Variants in SERINC1 observed in about 807,000 individuals in gnomAD.
SERINC1 encodes tumor differentially expressed protein 2.
In SERINC1, 38 loss-of-function variants were observed where a neutral mutation model predicts 52.9. The ratio of observed to expected loss-of-function variants is 0.72; its 90% confidence interval spans 0.55 to 0.94. SERINC1 has a LOEUF of 0.94. Among genes scored for constraint, SERINC1 ranks in the 40% least tolerant of loss-of-function variants. The probability of loss-of-function intolerance (pLI) is 0.00; values close to 1 mark genes in which losing one functional copy is unlikely to be tolerated. For missense variants in SERINC1, 471 were observed against 533.9 expected (o/e 0.88, Z 1.16); for synonymous variants, 198 against 183.1 (o/e 1.08, Z -0.66).
At chr6:122,445,895 A>AAAAAAAAAAAAAAAG (rs1321761456) in intron 9 of SERINC1, among the ~76,000 whole-genome samples, 2 of 149,260 alleles carry the variant, frequency 1.3e-5, no homozygotes, top group African/African-American at 4.9e-5. Flanking sequence ...AAAAAAAAAA[A>AAAAAAAAAAAAAAAG]AAAAAGAACC....
Position 122,468,603 on chromosome 6 carries a change from C to G in SERINC1, c.39+3096G>C, listed in dbSNP as rs142074336. Among the ~76,000 whole-genome samples, 733 of 152,196 alleles carry G rather than the reference C, an allele frequency of 4.8e-3. 5 individuals are homozygous for G. Among genetic ancestry groups the G allele is most frequent in the African/African-American group, 0.017 (691 of 41,526 alleles). ...TTTGCTTAAAAATATGTTTAAGATGCTGCCATTCCTAAGAATATATTTTTG... is the reference window on the plus strand; with the variant it reads ...TTTGCTTAAAAATATGTTTAAGATGGTGCCATTCCTAAGAATATATTTTTG... On this transcript the variant is annotated intron_variant, in intron 1 of 9. Coordinates refer to ENST00000339697, the MANE Select transcript of SERINC1 (RefSeq NM_020755.4).
rs761768622 is a variant in SERINC1, at chr6:122,458,598, G to T, written c.123C>A (p.Ile41=). 3 of 1,612,778 alleles carry T rather than the reference G, an allele frequency of 1.9e-6. No homozygotes were observed. The change falls in exon 2 of 10, where the codon ATC becomes ATA. Residue 41 remains isoleucine (I), a synonymous_variant. Coordinates refer to ENST00000339697, the MANE Select transcript of SERINC1 (RefSeq NM_020755.4). ...CTCCAACAAGCAAGAAAAGTGCATAGATCAATCTAGTTACAGTGGAGTTGT... is the reference window on the plus strand; with the variant it reads ...CTCCAACAAGCAAGAAAAGTGCATATATCAATCTAGTTACAGTGGAGTTGT... The part of the protein sequence containing the change: ...SGNNSTVTRL[I]YALFLLVGVC...
In SERINC1 at chr6:122,466,220, C is replaced by T. The variant is rs183888652; in HGVS notation, c.39+5479G>A. 1.2e-4 allele frequency among the ~76,000 whole-genome samples: 18 copies of T among 152,322 alleles called. No homozygotes were observed. In the East Asian group the frequency reaches 2.3e-3, roughly 20 times the overall value. On this transcript the variant is annotated intron_variant, in intron 1 of 9. Coordinates refer to ENST00000339697, the MANE Select transcript of SERINC1 (RefSeq NM_020755.4). Reference sequence around the variant, plus strand: ...CCGAGATCACGCCACTACGCTCCATCCCGGGCAACAAAGCAAGACTAGGTG... The same window carrying T: ...CCGAGATCACGCCACTACGCTCCATTCCGGGCAACAAAGCAAGACTAGGTG...
intron 9 of SERINC1, among the ~76,000 whole-genome samples, chr6:122,446,196 A>G (rs1472523201): frequency 1.3e-5 from 2 of 152,108 alleles, no homozygotes; most frequent in African/African-American, 4.8e-5. Flanking sequence ...ATGAAACACT[A>G]TAAATCACTA....
chr6:122,466,085 T>A lies in SERINC1; in HGVS notation c.39+5614A>T, dbSNP rs1241431085. 2.0e-5 allele frequency among the ~76,000 whole-genome samples: 3 copies of A among 152,012 alleles called. No individual in the cohort carries two copies. In the East Asian group the frequency reaches 5.8e-4, roughly 30 times the overall value. On this transcript the variant is annotated intron_variant, in intron 1 of 9. Coordinates refer to ENST00000339697, the MANE Select transcript of SERINC1 (RefSeq NM_020755.4). ...ACAGTCTCTACTAAAAATACAAAAATTACCCAGGGATGGTGTTGTGCACCT... is the reference window on the plus strand; with the variant it reads ...ACAGTCTCTACTAAAAATACAAAAAATACCCAGGGATGGTGTTGTGCACCT...
chr6:122,464,169 C>G (rs9968861), intron 1 of SERINC1, among the ~76,000 whole-genome samples: 1 of 151,910 alleles, frequency 6.6e-6, no homozygotes, highest in Non-Finnish European at 1.5e-5. Flanking sequence ...TTAGGATGAT[C>G]GATGTTCCAA....
Position 122,458,505 on chromosome 6 carries a change from A to C in SERINC1, c.201+15T>G, listed in dbSNP as rs368927523. On this transcript the variant is annotated intron_variant, in intron 2 of 9. Transcript: ENST00000339697. ...TATAGCCTCAGTTAATCAATAAATA[A>C]GAAACGAGACTAACCTTATTCAGTT... is the stretch of plus-strand genomic sequence containing the variant. 3.8e-6 allele frequency: 6 copies of C among 1,596,822 alleles called. No homozygotes were observed. The highest frequency in any genetic ancestry group is 5.1e-6 in the Non-Finnish European group (6 of 1,165,978).
intron 7 of SERINC1, among the ~76,000 whole-genome samples, chr6:122,447,843 C>T (rs1488660424): frequency 2.0e-5 from 3 of 152,102 alleles, no homozygotes; most frequent in African/African-American, 4.8e-5. Context: ...AGGCAAGGTG[C>T]GGTGGCTCAT....
At chr6:122,447,712 C>G (rs577744) in intron 7 of SERINC1, among the ~76,000 whole-genome samples, 121,042 of 152,104 alleles carry the variant, frequency 0.8, 48,489 homozygotes, top group South Asian at 0.93. Flanking sequence ...TGTTAAAAAA[C>G]CAAGACAGCT....
intron 5 of SERINC1, among the ~76,000 whole-genome samples, chr6:122,453,564 G>T (rs1774947172): frequency 6.6e-6 from 1 of 152,040 alleles, no homozygotes; most frequent in Non-Finnish European, 1.5e-5. Flanking sequence ...CCTGGTTCTT[G>T]GGTTATGTTC....
chr6:122,454,013 T>A (rs1379507198), intron 4 of SERINC1, 106 bp from the exon 5 acceptor site: 1 of 1,343,802 alleles, frequency 7.4e-7, no homozygotes, highest in Admixed American at 2.7e-5. Flanking sequence ...TATATGAACA[T>A]CTTGATTTTG....
At chr6:122,458,814 T>C (rs1034940820) in intron 1 of SERINC1, 133 bp from the exon 2 acceptor site, 7 of 614,916 alleles carry the variant, frequency 1.1e-5, no homozygotes, top group Non-Finnish European at 1.6e-5. Context: ...TCAAGGGACA[T>C]ACGGTATTTG....
At chr6:122,463,087 G>C (rs1349286249) in intron 1 of SERINC1, among the ~76,000 whole-genome samples, 1 of 152,184 alleles carries the variant, frequency 6.6e-6, no homozygotes, top group Non-Finnish European at 1.5e-5. Context: ...TTAAAACAGA[G>C]TGATATAGGG....
intron 5 of SERINC1, among the ~76,000 whole-genome samples, chr6:122,452,667 C>T (rs756827598): frequency 3.3e-5 from 5 of 152,142 alleles, no homozygotes; most frequent in African/African-American, 9.7e-5. Flanking sequence ...AGATTTGCCT[C>T]GCTGACAGGG....
chr6:122,457,524 G>A (rs1054620890), intron 2 of SERINC1, among the ~76,000 whole-genome samples: 1 of 152,166 alleles, frequency 6.6e-6, no homozygotes, highest in African/African-American at 2.4e-5. Context: ...GGAGGATAGT[G>A]GGAGATAGGG....
At chr6:122,463,859 G>A (rs1367863895) in intron 1 of SERINC1, among the ~76,000 whole-genome samples, 1 of 152,064 alleles carries the variant, frequency 6.6e-6, no homozygotes, top group Non-Finnish European at 1.5e-5. Flanking sequence ...TTATTCAAGT[G>A]AAATAAGAAC....
In SERINC1 at chr6:122,458,615, T is replaced by A. The variant is rs745408354; in HGVS notation, c.106A>T (p.Thr36Ser). 6.2e-7 allele frequency: 1 copy of A among 1,612,636 alleles called. No individual in the cohort carries two copies. Among genetic ancestry groups the A allele is most frequent in the Admixed American group, 1.7e-5 (1 of 59,976 alleles). ...AGTGCATAGATCAATCTAGTTACAG[T>A]GGAGTTGTTTCCACTAGGACAGCAT... The part of the protein sequence containing the change: ...CRCCPSGNNS[T>S]VTRLIYALFL... Residue 36 changes from threonine (T) to serine (S), a missense_variant, in exon 2 of 10, where the codon ACT becomes TCT. Thr to Ser is a moderately conservative substitution (Grantham distance 58). Transcript: ENST00000339697.
At chr6:122,453,981 C>T (rs1774955488) in intron 4 of SERINC1, 74 bp from the exon 5 acceptor site, 1 of 1,469,716 alleles carries the variant, frequency 6.8e-7, no homozygotes, top group East Asian at 2.4e-5. Context: ...AATCACAGTA[C>T]ACAAAAAGGA....
Position 122,445,192 on chromosome 6 carries a change from G to A in SERINC1, c.1227-13C>T. 6.2e-7 allele frequency: 1 copy of A among 1,608,366 alleles called. No homozygotes were observed. The highest frequency in any genetic ancestry group is 8.5e-7 in the Non-Finnish European group (1 of 1,178,294). Reference sequence around the variant, plus strand: ...AGAGGGTTCATACCTAAAATTTCAGGGAAAATTATTAAAAAGGGGCAAGGG... The same window carrying A: ...AGAGGGTTCATACCTAAAATTTCAGAGAAAATTATTAAAAAGGGGCAAGGG... On this transcript the variant is annotated splice_polypyrimidine_tract_variant and intron_variant, in intron 9 of 9. Transcript: ENST00000339697.
Sources: allele counts gnomAD v4.1 joint callset (sites outside exome capture counted in the v4.1 genomes callset), GRCh38; gene constraint gnomAD v4.1.1; transcripts MANE v1.5; gene names NCBI Gene and HGNC (gene_info 2026-07-23, HGNC 2026-07-21).